The following PPP3CA variants were observed in gnomAD, a reference collection of about 807,000 sequenced individuals.
The protein encoded by PPP3CA is protein phosphatase 3 catalytic subunit alpha.
PPP3CA carries 14 observed loss-of-function variants against 66.5 expected under a neutral mutation model. The ratio of observed to expected loss-of-function variants is 0.21; its 90% CI spans 0.14 to 0.33. The LOEUF (loss-of-function observed/expected upper bound fraction) is 0.33. Ranked by LOEUF, PPP3CA falls within the 10% of genes least tolerant of loss-of-function variation. PPP3CA has a pLI of 1.00. For synonymous variants in PPP3CA, 232 were observed against 226.2 expected (o/e 1.03, Z -0.23); for missense variants, 317 against 639.5 (o/e 0.50, Z 5.44).
intron 10 of PPP3CA, among the ~76,000 whole-genome samples, chr4:101,048,462 G>A (rs957984014): frequency 1.5e-4 from 20 of 134,456 alleles, no homozygotes; most frequent in African/African-American, 5.6e-4. Flanking sequence ...TTCTACTTAG[G>A]GTCAGTGCAG....
At chr4:101,032,212 T>C (rs1726998845) in intron 12 of PPP3CA, 55 bp downstream of exon 12, 2 of 1,316,216 alleles carry the variant, frequency 1.5e-6, no homozygotes, top group East Asian at 2.6e-5. Flanking sequence ...AGGGCTCTAA[T>C]GACACAGCTG....
In PPP3CA at chr4:101,107,884, C is replaced by T. The variant is rs1355297847; in HGVS notation, c.384+1070G>A. Among the ~76,000 whole-genome samples the T allele has an allele frequency of 7.9e-5, 12 of 152,064 alleles. No individual in the cohort carries two copies. In the East Asian group the frequency reaches 2.3e-3, roughly 29 times the overall value. ...TCTTTAATTAAGAATAATCATTTTC[C>T]TTTTTAATGATCTCTTTTGATAGCC... On this transcript the variant is annotated intron_variant, in intron 3 of 13. Transcript: ENST00000394854.
At position 101,285,591 on chromosome 4, in the gene PPP3CA, CTGTGTGTATGTGTGTGTG is replaced by C. The variant is rs1280075713; in HGVS notation, c.58+61130_58+61147del. ...CCTTTCCCTTCCCTTTCAAATGCCA[CTGTGTGTATGTGTGTGTG>C]TGTGTGTGTGTGTGTGTGTGTGTGT... On this transcript the variant is annotated intron_variant, in intron 1 of 13. Coordinates refer to ENST00000394854, the MANE Select transcript of PPP3CA (RefSeq NM_000944.5). Among the ~76,000 whole-genome samples, 152 of 131,860 alleles carry C rather than the reference CTGTGTGTATGTGTGTGTG, an allele frequency of 1.2e-3. 1 individual carries two copies. The highest frequency in any genetic ancestry group is 4.1e-3 in the African/African-American group (141 of 34,062). 86.5% of individuals were successfully genotyped at this position (131,860 alleles called of 152,430 possible).
intron 1 of PPP3CA, among the ~76,000 whole-genome samples, chr4:101,287,483 C>T (rs1415805024): frequency 6.6e-6 from 1 of 152,138 alleles, no homozygotes; most frequent in African/African-American, 2.4e-5. Flanking sequence ...GAAACACAAG[C>T]CTCTGATCAA....
At chr4:101,317,752 T>C (rs1728924993) in intron 1 of PPP3CA, among the ~76,000 whole-genome samples, 1 of 152,172 alleles carries the variant, frequency 6.6e-6, no homozygotes, top group South Asian at 2.1e-4. Context: ...TCAACAATCT[T>C]TCAGTCTTTT....
chr4:101,056,519 T>C (rs372343659), intron 10 of PPP3CA, among the ~76,000 whole-genome samples: 4 of 152,176 alleles, frequency 2.6e-5, no homozygotes, highest in African/African-American at 9.6e-5. Flanking sequence ...TAAAAGACAG[T>C]CATGGACTGT....
chr4:101,190,444 A>G (rs1724560254), intron 2 of PPP3CA, among the ~76,000 whole-genome samples: 1 of 152,204 alleles, frequency 6.6e-6, no homozygotes, highest in Non-Finnish European at 1.5e-5. Flanking sequence ...ACAGTTATTC[A>G]TGTAACCATG....
At chr4:101,212,660 G>T (rs1263540145) in intron 1 of PPP3CA, among the ~76,000 whole-genome samples, 2 of 151,988 alleles carry the variant, frequency 1.3e-5, no homozygotes, top group Non-Finnish European at 2.9e-5. Context: ...ACGGCCTAAA[G>T]GTGGTTGTCT....
chr4:101,146,412 T>C (rs1266249535), intron 2 of PPP3CA, among the ~76,000 whole-genome samples: 1 of 152,178 alleles, frequency 6.6e-6, no homozygotes, highest in Non-Finnish European at 1.5e-5. Context: ...TTAGGACATT[T>C]AGGAGTAGTA....
At chr4:101,166,802 T>C (rs997661572) in intron 2 of PPP3CA, among the ~76,000 whole-genome samples, 1 of 152,210 alleles carries the variant, frequency 6.6e-6, no homozygotes, top group Non-Finnish European at 1.5e-5. Flanking sequence ...ACCACTTACA[T>C]TGTATATTTC....
chr4:101,217,639 A>G (rs1298294137), intron 1 of PPP3CA, among the ~76,000 whole-genome samples: 1 of 152,150 alleles, frequency 6.6e-6, no homozygotes, highest in Non-Finnish European at 1.5e-5. Context: ...AGTGACAGTA[A>G]TCTTCAAATC....
intron 2 of PPP3CA, among the ~76,000 whole-genome samples, chr4:101,189,480 C>T (rs1182255685): frequency 1.3e-5 from 2 of 151,788 alleles, no homozygotes; most frequent in African/African-American, 4.8e-5. Context: ...ACCTCCACCC[C>T]CAAATAAAAC....
chr4:101,228,943 G>A (rs566445401), intron 1 of PPP3CA, among the ~76,000 whole-genome samples: 1 of 151,678 alleles, frequency 6.6e-6, no homozygotes, highest in South Asian at 2.1e-4. Context: ...AAATGTGAGG[G>A]ACTGTTTTGA....
At chr4:101,179,191 C>T (rs577433862) in intron 2 of PPP3CA, among the ~76,000 whole-genome samples, 15 of 152,062 alleles carry the variant, frequency 9.9e-5, no homozygotes, top group Non-Finnish European at 1.8e-4. Flanking sequence ...CAGGTCATCA[C>T]AAGTCCTCAT....
At chr4:101,034,293 C>T (rs1020146998) in intron 11 of PPP3CA, among the ~76,000 whole-genome samples, 1 of 152,164 alleles carries the variant, frequency 6.6e-6, no homozygotes, top group Non-Finnish European at 1.5e-5. Flanking sequence ...ACTCTGCCTT[C>T]TAATCTTTGC....
intron 2 of PPP3CA, among the ~76,000 whole-genome samples, chr4:101,177,644 T>C (rs1375907274): frequency 6.6e-6 from 1 of 152,162 alleles, no homozygotes; most frequent in African/African-American, 2.4e-5. Flanking sequence ...ATTCAGGTGC[T>C]AAGAAAGTAC....
At chr4:101,057,010 G>A (rs536969911) in intron 10 of PPP3CA, among the ~76,000 whole-genome samples, 1 of 152,012 alleles carries the variant, frequency 6.6e-6, no homozygotes, top group South Asian at 2.1e-4. Flanking sequence ...TTAAATGCTA[G>A]GACTCCTGAT....
intron 2 of PPP3CA, among the ~76,000 whole-genome samples, chr4:101,110,174 A>G (rs1455572892): frequency 6.6e-6 from 1 of 152,226 alleles, no homozygotes; most frequent in Non-Finnish European, 1.5e-5. Context: ...CTGCTTCTGC[A>G]ACACTAAGAG....
At chr4:101,309,906 C>T (rs1728670817) in intron 1 of PPP3CA, among the ~76,000 whole-genome samples, 1 of 152,170 alleles carries the variant, frequency 6.6e-6, no homozygotes, top group African/African-American at 2.4e-5. Context: ...ACGTATTTAT[C>T]AACGACACGT....
Sources: allele counts gnomAD v4.1 joint callset (sites outside exome capture counted in the v4.1 genomes callset), GRCh38; gene constraint gnomAD v4.1.1; transcripts MANE v1.5; gene names NCBI Gene and HGNC (gene_info 2026-07-23, HGNC 2026-07-21).